The following GLRA3 variants were observed in gnomAD, a reference collection of about 807,000 sequenced individuals.
GLRA3 encodes the protein glycine receptor alpha 3.
Under a neutral mutation model 60.4 loss-of-function variants are expected in GLRA3, and 44 were observed. The observed-to-expected ratio is 0.73, with a 90% CI of 0.57 to 0.94. The LOEUF (loss-of-function observed/expected upper bound fraction) is 0.94. GLRA3 is among the 40% of genes least tolerant of loss of function. The pLI is 0.00. For synonymous variants in GLRA3, 223 were observed against 192.9 expected (o/e 1.16, Z -1.29); for missense variants, 508 against 564.6 (o/e 0.90, Z 1.02).
chr4:174,774,234 G>A (rs974350508), intron 2 of GLRA3, among the ~76,000 whole-genome samples: 1 of 152,122 alleles, frequency 6.6e-6, no homozygotes, highest in South Asian at 2.1e-4. Flanking sequence ...TCTTGCTGTT[G>A]GAAGAGGAAG....
intron 9 of GLRA3, among the ~76,000 whole-genome samples, chr4:174,651,927 AG>A (rs1297415602): frequency 6.6e-6 from 1 of 152,150 alleles, no homozygotes; most frequent in Non-Finnish European, 1.5e-5. Flanking sequence ...TGGGAAGGAA[AG>A]GAACAGACTC....
At chr4:174,699,850 T>C (rs181210496) in intron 5 of GLRA3, among the ~76,000 whole-genome samples, 3 of 151,024 alleles carry the variant, frequency 2.0e-5, no homozygotes, top group East Asian at 1.9e-4. Context: ...AATTAATAAT[T>C]AATGCATTAA....
intron 1 of GLRA3, among the ~76,000 whole-genome samples, chr4:174,825,535 C>A (rs1740930946): frequency 6.6e-6 from 1 of 152,064 alleles, no homozygotes; most frequent in Non-Finnish European, 1.5e-5. Flanking sequence ...AAGTAATCAA[C>A]TTAAATGAAA....
chr4:174,749,082 A>C (rs1367368921), intron 3 of GLRA3, among the ~76,000 whole-genome samples: 4 of 152,134 alleles, frequency 2.6e-5, no homozygotes, highest in Admixed American at 6.6e-5. Flanking sequence ...AGAACAAATA[A>C]ATGTAAATTA....
At chr4:174,788,970 T>C in intron 1 of GLRA3, 27 bp from the exon 2 acceptor site, 1 of 1,472,608 alleles carries the variant, frequency 6.8e-7, no homozygotes, top group Admixed American at 2.2e-5. Flanking sequence ...AAATATAGAC[T>C]TTACAAAAAG....
chr4:174,652,743 C>T (rs1733067222), intron 9 of GLRA3, among the ~76,000 whole-genome samples: 1 of 152,064 alleles, frequency 6.6e-6, no homozygotes, highest in Non-Finnish European at 1.5e-5. Flanking sequence ...TGCATACAGT[C>T]ATTGAATAAA....
At position 174,689,756 on chromosome 4, in the gene GLRA3, T is replaced by TAAAAAAAA. The variant is rs553306775; in HGVS notation, c.575-6825_575-6818dup. ...AAAGGCACAGAGTGGTAAGTCGCAT[T>TAAAAAAAA]AAAAAAAAAAAAAAAAAAAAAAAAA... is the stretch of plus-strand genomic sequence containing the variant. On this transcript the variant is annotated intron_variant, in intron 5 of 9. Coordinates refer to ENST00000274093, the MANE Select transcript of GLRA3 (RefSeq NM_006529.4). 1.2e-3 allele frequency among the ~76,000 whole-genome samples: 49 copies of TAAAAAAAA among 39,534 alleles called. 5 individuals are homozygous for TAAAAAAAA. Among genetic ancestry groups the TAAAAAAAA allele is most frequent in the Middle Eastern group, 0.028 (1 of 36 alleles). The allele number at this position is 39,534 out of a possible 152,430, so 25.9% of individuals were successfully genotyped here. A position where few individuals can be genotyped will look rare whatever the true frequency, so the allele number is the denominator to read the frequency against.
At chr4:174,731,340 C>A (rs1386722144) in intron 3 of GLRA3, among the ~76,000 whole-genome samples, 1 of 152,036 alleles carries the variant, frequency 6.6e-6, no homozygotes, top group Non-Finnish European at 1.5e-5. Context: ...AAGAAAGGGG[C>A]AAGTAAACGG....
chr4:174,645,463 G>C (rs1228845722), intron 9 of GLRA3, among the ~76,000 whole-genome samples: 1 of 149,030 alleles, frequency 6.7e-6, no homozygotes, highest in East Asian at 1.9e-4. Context: ...TTCTGTGAAA[G>C]TAGCTCCTCA....
chr4:174,691,923 C>T (rs1380601892), intron 5 of GLRA3, among the ~76,000 whole-genome samples: 1 of 151,830 alleles, frequency 6.6e-6, no homozygotes, highest in East Asian at 2.0e-4. Context: ...CTCTGCCCGG[C>T]CGCCATCCCA....
intron 5 of GLRA3, among the ~76,000 whole-genome samples, chr4:174,708,254 C>A (rs1735584536): frequency 6.6e-6 from 1 of 152,106 alleles, no homozygotes; most frequent in South Asian, 2.1e-4. Context: ...TTTGCCTTAG[C>A]TAATTTAGCA....
At chr4:174,811,834 A>G (rs1263800077) in intron 1 of GLRA3, among the ~76,000 whole-genome samples, 3 of 152,196 alleles carry the variant, frequency 2.0e-5, no homozygotes, top group Non-Finnish European at 4.4e-5. Context: ...TACCTCGAGC[A>G]GTTTAACTTA....
intron 2 of GLRA3, among the ~76,000 whole-genome samples, chr4:174,776,798 A>C (rs1738622346): frequency 6.6e-6 from 1 of 152,224 alleles, no homozygotes; most frequent in South Asian, 2.1e-4. Flanking sequence ...GCAAATAAAC[A>C]TACAAAATAG....
intron 1 of GLRA3, among the ~76,000 whole-genome samples, chr4:174,825,438 T>C (rs1374797918): frequency 1.3e-5 from 2 of 152,126 alleles, no homozygotes; most frequent in African/African-American, 2.4e-5. Context: ...CATTCAAGTT[T>C]TGACACGATG....
At chr4:174,663,325 C>A (rs937088251) in intron 7 of GLRA3, among the ~76,000 whole-genome samples, 7 of 152,050 alleles carry the variant, frequency 4.6e-5, no homozygotes, top group African/African-American at 1.7e-4. Flanking sequence ...TGGCTGCTTC[C>A]AAATATATAC....
At chr4:174,660,457 G>C (rs1018025289) in intron 7 of GLRA3, among the ~76,000 whole-genome samples, 1 of 150,576 alleles carries the variant, frequency 6.6e-6, no homozygotes, top group African/African-American at 2.4e-5. Flanking sequence ...ATTTTTAGTA[G>C]GAATTCCCAA....
At chr4:174,814,619 A>G (rs1348384506) in intron 1 of GLRA3, among the ~76,000 whole-genome samples, 1 of 152,228 alleles carries the variant, frequency 6.6e-6, no homozygotes, top group Admixed American at 6.5e-5. Flanking sequence ...GAGTCCTCAC[A>G]ATCATGGCAA....
At chr4:174,772,124 A>T (rs1738413214) in intron 2 of GLRA3, among the ~76,000 whole-genome samples, 1 of 152,194 alleles carries the variant, frequency 6.6e-6, no homozygotes, top group African/African-American at 2.4e-5. Flanking sequence ...CTCAAATAGT[A>T]AGGCCGATGG....
intron 2 of GLRA3, among the ~76,000 whole-genome samples, chr4:174,778,252 A>G (rs1314441026): frequency 6.6e-6 from 1 of 152,180 alleles, no homozygotes; most frequent in South Asian, 2.1e-4. Flanking sequence ...AGGCTTCTAA[A>G]GAGAAAAGAT....
Sources: gnomAD v4.1 joint callset for allele counts (sites outside exome capture counted in the v4.1 genomes callset) on GRCh38, gnomAD v4.1.1 for gene constraint, MANE v1.5 for transcripts, NCBI Gene and HGNC (gene_info 2026-07-23, HGNC 2026-07-21) for gene names.